LINGO2: variants seen among roughly 807,000 people sequenced by gnomAD.
The protein encoded by LINGO2 is leucine-rich repeat and immunoglobulin-like domain-containing nogo receptor-interacting protein 2.
A neutral mutation model predicts 30.6 loss-of-function variants in LINGO2; 14 were observed. That is an observed-to-expected ratio of 0.46 (90% CI 0.30 to 0.72). The LOEUF (loss-of-function observed/expected upper bound fraction) is 0.72. Among genes scored for constraint, LINGO2 ranks in the 30% least tolerant of loss-of-function variants. The pLI is 0.07. For missense variants in LINGO2, 729 were observed against 751.7 expected (o/e 0.97, Z 0.35); for synonymous variants, 317 against 288.5 (o/e 1.10, Z -1.00).
chr9:28,296,552 G>T (rs1166780914), intron 3 of LINGO2, among the ~76,000 whole-genome samples: 1 of 152,142 alleles, frequency 6.6e-6, no homozygotes, highest in Admixed American at 6.5e-5. Context: ...CGGATTCCCA[G>T]AAGTCAGTGT....
chr9:28,851,114 T>C, the LINGO2 span, among the ~76,000 whole-genome samples: 1 of 152,048 alleles, frequency 6.6e-6, no homozygotes. Flanking sequence ...GTTAGCCCGA[T>C]GCTCACTTGG....
the LINGO2 span, among the ~76,000 whole-genome samples, chr9:28,694,878 AC>A: frequency 1.3e-5 from 2 of 151,622 alleles, no homozygotes; most frequent in Non-Finnish European, 2.9e-5. Context: ...ATGGTCAAAA[AC>A]AATTTAAAGG....
chr9:28,411,132 G>A (rs1415418872), intron 2 of LINGO2, among the ~76,000 whole-genome samples: 1 of 147,346 alleles, frequency 6.8e-6, no homozygotes, highest in East Asian at 2.0e-4. Flanking sequence ...TATTAGGAGA[G>A]CCTTCTAAAC....
In LINGO2 at chr9:27,993,681, T is replaced by C. The variant is rs544970424; in HGVS notation, c.-36+18674A>G. On this transcript the variant is annotated intron_variant, in intron 5 of 5. Coordinates refer to ENST00000379992, the Ensembl canonical transcript of LINGO2. The stretch of plus-strand genomic sequence containing the variant: ...TATAGGTTAATAATTGGTAATTTAT[T>C]AGTGTCTAAATATTTGTGTGCTAGT... Among the ~76,000 whole-genome samples, 26 of 152,308 alleles carry C rather than the reference T, an allele frequency of 1.7e-4. No individual in the cohort carries two copies. In the South Asian group the frequency reaches 2.5e-3, roughly 15 times the overall value.
chr9:28,855,387 G>A, the LINGO2 span, among the ~76,000 whole-genome samples: 89 of 152,052 alleles, frequency 5.9e-4, 1 homozygote, highest in African/African-American at 1.8e-3. Context: ...TAATGCATTC[G>A]TAACCAGAAG....
the LINGO2 span, among the ~76,000 whole-genome samples, chr9:29,158,964 G>C: frequency 6.6e-6 from 1 of 152,134 alleles, no homozygotes; most frequent in Non-Finnish European, 1.5e-5. Flanking sequence ...AGCCTTCATA[G>C]ATTTATCCAG....
chr9:28,461,605 C>T (rs1825085522), intron 2 of LINGO2, among the ~76,000 whole-genome samples: 1 of 152,110 alleles, frequency 6.6e-6, no homozygotes, highest in Non-Finnish European at 1.5e-5. Flanking sequence ...AAAGATAGGG[C>T]TCACTTCCCT....
At chr9:28,438,823 TATAC>T (rs1400287259) in intron 2 of LINGO2, among the ~76,000 whole-genome samples, 2 of 136,154 alleles carry the variant, frequency 1.5e-5, no homozygotes, top group African/African-American at 5.8e-5. Flanking sequence ...GAAGAAAATA[TATAC>T]ATATATATAT....
At chr9:29,003,764 G>C in the LINGO2 span, among the ~76,000 whole-genome samples, 21 of 151,976 alleles carry the variant, frequency 1.4e-4, no homozygotes, top group African/African-American at 4.6e-4. Flanking sequence ...CTCTTTTCTA[G>C]TTACAAACTC....
At chr9:28,947,346 T>C in the LINGO2 span, among the ~76,000 whole-genome samples, 2 of 152,260 alleles carry the variant, frequency 1.3e-5, no homozygotes, top group Admixed American at 1.3e-4. Flanking sequence ...GAGTAGATTT[T>C]GCAGTCAAAT....
intron 4 of LINGO2, among the ~76,000 whole-genome samples, chr9:28,118,094 G>C (rs947966207): frequency 6.6e-6 from 1 of 152,078 alleles, no homozygotes; most frequent in Admixed American, 6.6e-5. Context: ...GGTGGAGTAG[G>C]GGAGGGAGAG....
chr9:29,021,661 A>G, the LINGO2 span, among the ~76,000 whole-genome samples: 1 of 149,872 alleles, frequency 6.7e-6, no homozygotes, highest in Non-Finnish European at 1.5e-5. Context: ...CATCTCAAAA[A>G]AAGAAAGAAG....
At chr9:28,000,479 T>C (rs1344323506) in intron 5 of LINGO2, among the ~76,000 whole-genome samples, 2 of 152,218 alleles carry the variant, frequency 1.3e-5, no homozygotes, top group Non-Finnish European at 2.9e-5. Context: ...TGGAGTTGGA[T>C]TAAATTCTTT....
At chr9:28,799,491 T>A in the LINGO2 span, among the ~76,000 whole-genome samples, 1 of 152,198 alleles carries the variant, frequency 6.6e-6, no homozygotes, top group South Asian at 2.1e-4. Flanking sequence ...AACAAATGTT[T>A]GAAAAGATCA....
intron 4 of LINGO2, among the ~76,000 whole-genome samples, chr9:28,028,061 C>A (rs964244491): frequency 2.6e-5 from 4 of 152,120 alleles, no homozygotes; most frequent in African/African-American, 9.7e-5. Context: ...TGCTAGGCAC[C>A]AAGAATTCAG....
chr9:28,216,505 T>G (rs372582942), intron 4 of LINGO2, among the ~76,000 whole-genome samples: 12 of 152,088 alleles, frequency 7.9e-5, no homozygotes, highest in Non-Finnish European at 1.3e-4. Context: ...GGCGGTTGCA[T>G]TGTAAAATGT....
At chr9:28,807,277 C>T in the LINGO2 span, among the ~76,000 whole-genome samples, 2 of 152,048 alleles carry the variant, frequency 1.3e-5, no homozygotes, top group Admixed American at 1.3e-4. Flanking sequence ...CCAGCCTCGG[C>T]CTCCCAAAAG....
intron 4 of LINGO2, among the ~76,000 whole-genome samples, chr9:28,049,692 A>C (rs1333719302): frequency 6.6e-6 from 1 of 150,674 alleles, no homozygotes; most frequent in East Asian, 2.0e-4. Context: ...TGTGTAAAGG[A>C]GGCATTATAA....
intron 4 of LINGO2, among the ~76,000 whole-genome samples, chr9:28,222,232 A>G (rs1032149542): frequency 4.6e-5 from 7 of 152,156 alleles, no homozygotes; most frequent in African/African-American, 1.7e-4. Context: ...AAATGTGGCA[A>G]ATGTGAAGAG....
Sources: allele counts gnomAD v4.1 joint callset (sites outside exome capture counted in the v4.1 genomes callset), GRCh38; gene constraint gnomAD v4.1.1; transcripts MANE v1.5; gene names NCBI Gene and HGNC (gene_info 2026-07-23, HGNC 2026-07-21).